The following IL12RB1 variants were observed in gnomAD, a reference collection of about 807,000 sequenced individuals.
IL12RB1 encodes interleukin-12 receptor subunit beta-1.
In IL12RB1, 64 loss-of-function variants were observed where a neutral mutation model predicts 94.4. The ratio of observed to expected loss-of-function variants is 0.68; its 90% confidence interval spans 0.55 to 0.83. IL12RB1 has a LOEUF of 0.83. IL12RB1 is among the 40% of genes least tolerant of loss of function. IL12RB1 has a pLI of 0.00. For missense variants in IL12RB1, 814 were observed against 855.6 expected (o/e 0.95, Z 0.61); for synonymous variants, 362 against 355.5 (o/e 1.02, Z -0.21).
At chr19:18,059,656 T>C (rs369210859) in intron 16 of IL12RB1, 43 bp from the exon 17 acceptor site, 2 of 780,094 alleles carry the variant, frequency 2.6e-6, no homozygotes, top group African/African-American at 1.7e-5. Context: ...GGGGTGGTTG[T>C]AGGGATTTGG....
chr19:18,083,002 G>C (rs567718897), intron 2 of IL12RB1: 3 of 286,244 alleles, frequency 1.0e-5, no homozygotes, highest in South Asian at 1.0e-4. Flanking sequence ...AGAATAGCTT[G>C]AACCTGGAAG....
rs1356043971 is a variant in IL12RB1, at chr19:18,073,540, T to C, written c.760A>G (p.Arg254Gly). 3 of 1,611,160 alleles carry C rather than the reference T, an allele frequency of 1.9e-6. No homozygotes were observed. In the Admixed American group the frequency reaches 5.0e-5, roughly 27 times the overall value. Reference sequence around the variant, plus strand: ...ACCTGCTCTTTCAGGGTCAGCCGCCTCCTCCCATCCTGGCCCAGCTGCTCC... The same window carrying C: ...ACCTGCTCTTTCAGGGTCAGCCGCCCCCTCCCATCCTGGCCCAGCTGCTCC... ...SVEQLGQDGRRRLTLKEQPTQ... is the reference protein window; with the variant it reads ...SVEQLGQDGRGRLTLKEQPTQ... Residue 254 changes from arginine to glycine, a missense_variant, in exon 8 of 17, where the codon AGG (arginine) becomes GGG (glycine). By Grantham distance (125) the Arg-to-Gly change is moderately radical. Coordinates refer to ENST00000593993, the MANE Select transcript of IL12RB1 (RefSeq NM_005535.3).
Position 18,060,073 on chromosome 19 carries a change from T to C in IL12RB1, c.1804A>G (p.Ile602Val). The C allele has an allele frequency of 6.3e-7, 1 of 1,595,752 alleles. No homozygotes were observed. The highest frequency in any genetic ancestry group is 8.6e-7 in the Non-Finnish European group (1 of 1,165,066). The stretch of plus-strand genomic sequence containing the variant: ...TCTTCCTGGAAGTCCACTGGGTTGA[T>C]CCACTGCCAAGTCTGCAGAGGGAGG... ...FPGGKETWQW[I>V]NPVDFQEEAS... The change falls in exon 16 of 17, where the codon ATC (isoleucine) becomes GTC (valine). Residue 602 changes from isoleucine (I) to valine (V), a missense_variant. Transcript: ENST00000593993.
At chr19:18,078,981 A>G (rs1223601461) in intron 4 of IL12RB1, among the ~76,000 whole-genome samples, 1 of 152,138 alleles carries the variant, frequency 6.6e-6, no homozygotes, top group Non-Finnish European at 1.5e-5. Flanking sequence ...CAGGAGGATC[A>G]TTTGAGCCCA....
At chr19:18,088,388 A>AATATATATATATATATATATATATAT (rs372635550), upstream of IL12RB1, among the ~76,000 whole-genome samples, 12 of 108,518 alleles carry the variant, frequency 1.1e-4, no homozygotes, top group South Asian at 8.3e-4. Context: ...TCCATCTCAA[A>AATATATATATATATATATATATATAT]ATATATATAT....
intron 13 of IL12RB1, among the ~76,000 whole-genome samples, 178 bp downstream of exon 13, chr19:18,063,698 A>C (rs2034343545): frequency 1.3e-5 from 2 of 152,160 alleles, no homozygotes; most frequent in Admixed American, 1.3e-4. Context: ...AGGCTCCTGG[A>C]GTGTGAGAGG....
At chr19:18,081,806 C>T (rs2035919091) in intron 3 of IL12RB1, among the ~76,000 whole-genome samples, 1 of 151,218 alleles carries the variant, frequency 6.6e-6, no homozygotes, top group African/African-American at 2.4e-5. Context: ...GGCAACAGAG[C>T]AAGACTCCAT....
intron 12 of IL12RB1, among the ~76,000 whole-genome samples, chr19:18,064,766 G>A (rs964653947): frequency 6.6e-6 from 1 of 152,136 alleles, no homozygotes; most frequent in Admixed American, 6.6e-5. Flanking sequence ...GAGCCACCGC[G>A]TCCGGCTGAC....
chr19:18,067,435 T>A (rs1286800530), intron 11 of IL12RB1, among the ~76,000 whole-genome samples: 1 of 151,442 alleles, frequency 6.6e-6, no homozygotes, highest in Non-Finnish European at 1.5e-5. Context: ...TCAGGTGAGC[T>A]GGGTTTTAAT....
chr19:18,059,891 G>A lies in IL12RB1; in HGVS notation c.1983+3C>T. The A allele has an allele frequency of 6.4e-7, 1 of 1,560,200 alleles. No individual in the cohort carries two copies. Among genetic ancestry groups the A allele is most frequent in the Non-Finnish European group, 8.7e-7 (1 of 1,147,992 alleles). ...GACCGTCTGGCCCACTGGGCCCCAG[G>A]ACCTTGGCCTTGCACCTGTCTCCAT... On this transcript the variant is annotated splice_donor_region_variant and intron_variant, in intron 16 of 16. Coordinates refer to ENST00000593993, the MANE Select transcript of IL12RB1 (RefSeq NM_005535.3).
At chr19:18,095,700 A>T (rs2036856082) in intron 1 of IL12RB1, among the ~76,000 whole-genome samples, 1 of 152,316 alleles carries the variant, frequency 6.6e-6, no homozygotes, top group South Asian at 2.1e-4. Context: ...GTCAATTTTT[A>T]AAATTGTATG....
chr19:18,088,393 A>G (rs2036476023), upstream of IL12RB1, among the ~76,000 whole-genome samples: 2 of 144,196 alleles, frequency 1.4e-5, no homozygotes, highest in African/African-American at 2.6e-5. Context: ...CTCAAAATAT[A>G]TATATATATA....
intron 1 of IL12RB1, among the ~76,000 whole-genome samples, chr19:18,084,272 C>T (rs368342430): frequency 1.5e-5 from 2 of 131,742 alleles, no homozygotes; most frequent in African/African-American, 5.8e-5. Context: ...TCCATCCACC[C>T]CCCATCCATC....
rs1276167440 is a variant in IL12RB1, at chr19:18,068,482, T to C, written c.1234A>G (p.Lys412Glu). ...SRESGAMGQE[K>E]CYYITIFASA... ...GCAAAGATGGTAATGTAGTAACACT[T>C]TTCCTGCCCCATTGCCCCAGACTCT... is the stretch of plus-strand genomic sequence containing the variant. The change falls in exon 11 of 17, where the codon AAG (lysine) becomes GAG (glutamate). Residue 412 changes from lysine to glutamate, a missense_variant. Transcript: ENST00000593993. The C allele has an allele frequency of 6.2e-7, 1 of 1,612,412 alleles. No individual in the cohort carries two copies. The highest frequency in any genetic ancestry group is 8.5e-7 in the Non-Finnish European group (1 of 1,178,788).
chr19:18,082,753 C>G (rs1030973413), intron 2 of IL12RB1, among the ~76,000 whole-genome samples: 13 of 152,070 alleles, frequency 8.5e-5, no homozygotes, highest in African/African-American at 3.1e-4. Flanking sequence ...GTGTTCAGAC[C>G]CTTTTCAGGG....
intron 1 of IL12RB1, among the ~76,000 whole-genome samples, chr19:18,097,326 C>T (rs1376177329): frequency 6.6e-6 from 1 of 152,048 alleles, no homozygotes; most frequent in South Asian, 2.1e-4. Flanking sequence ...TACAGGCGCG[C>T]GTCACCACCC....
chr19:18,078,740 A>AAAGG (rs2035664890), intron 4 of IL12RB1, among the ~76,000 whole-genome samples: 1 of 152,032 alleles, frequency 6.6e-6, no homozygotes, highest in Non-Finnish European at 1.5e-5. Context: ...TTTTAGATCT[A>AAAGG]TTTCAAGGAA....
At chr19:18,074,524 G>A (rs1333551735) in intron 7 of IL12RB1, among the ~76,000 whole-genome samples, 1 of 152,116 alleles carries the variant, frequency 6.6e-6, no homozygotes. Flanking sequence ...GTGGTGGGAG[G>A]ATCACTTGAG....
Position 18,069,690 on chromosome 19 carries a change from C to A in IL12RB1, c.1045G>T (p.Val349Phe), listed in dbSNP as rs372865962. ...TACATGGTGGTCCCGTTGGTTCCGA[C>A]GCTGATATTCAGAGCCACTGGTTCT... Reference protein sequence around the residue: ...HTEPVALNISVGTNGTTMYWP... With the variant: ...HTEPVALNISFGTNGTTMYWP... Residue 349 changes from valine to phenylalanine, a missense_variant, in exon 10 of 17, where the codon GTC becomes TTC. Transcript: ENST00000593993. 6.2e-7 allele frequency: 1 copy of A among 1,612,372 alleles called. No homozygotes were observed. The highest frequency in any genetic ancestry group is 8.5e-7 in the Non-Finnish European group (1 of 1,178,946).
Sources: gnomAD v4.1 joint callset for allele counts (sites outside exome capture counted in the v4.1 genomes callset) on GRCh38, gnomAD v4.1.1 for gene constraint, MANE v1.5 for transcripts, NCBI Gene and HGNC (gene_info 2026-07-23, HGNC 2026-07-21) for gene names.